Variants in ANO1 observed in about 807,000 individuals in gnomAD.
ANO1 encodes anoctamin 1.
A neutral mutation model predicts 124.0 loss-of-function variants in ANO1; 59 were observed. The observed-to-expected ratio is 0.48, with a 90% CI of 0.39 to 0.59. ANO1 has a LOEUF of 0.59. Ranked by LOEUF, ANO1 falls within the 20% of genes least tolerant of loss-of-function variation. The probability of loss-of-function intolerance (pLI) is 0.00; values close to 1 mark genes in which losing one functional copy is unlikely to be tolerated. For synonymous variants in ANO1, 529 were observed against 532.0 expected, an observed-to-expected ratio of 0.99 and a Z score of 0.08; for missense variants, 1,059 against 1,328.0, an observed-to-expected ratio of 0.80 and a Z score of 3.15.
intron 1 of ANO1, among the ~76,000 whole-genome samples, chr11:70,036,055 C>A (rs1476733094): frequency 6.6e-6 from 1 of 152,140 alleles, no homozygotes; most frequent in African/African-American, 2.4e-5. Flanking sequence ...TAGGAGTCTC[C>A]TGAGACTGTT....
chr11:70,077,368 C>T (rs973058427), upstream of ANO1, among the ~76,000 whole-genome samples: 42 of 152,180 alleles, frequency 2.8e-4, no homozygotes, highest in African/African-American at 1.0e-3. Flanking sequence ...CTATCTGATG[C>T]ACACCGTGAA....
the ANO1 span, among the ~76,000 whole-genome samples, chr11:69,978,263 G>C: frequency 6.6e-6 from 1 of 152,214 alleles, no homozygotes; most frequent in Non-Finnish European, 1.5e-5. Context: ...AAGTGTTTTT[G>C]TTGGCAGAGC....
At chr11:70,051,165 G>A (rs2135082169) in intron 1 of ANO1, among the ~76,000 whole-genome samples, 1 of 152,102 alleles carries the variant, frequency 6.6e-6, no homozygotes, top group East Asian at 1.9e-4. Flanking sequence ...CCTCCTTTAT[G>A]ATGCCCACCC....
chr11:70,007,412 G>T (rs1400845988), intron 1 of ANO1, among the ~76,000 whole-genome samples: 1 of 151,842 alleles, frequency 6.6e-6, no homozygotes, highest in Non-Finnish European at 1.5e-5. Context: ...GAGTAGCTGG[G>T]ACTACAAGTG....
chr11:70,013,353 T>C (rs1339535806), intron 1 of ANO1, among the ~76,000 whole-genome samples: 1 of 152,044 alleles, frequency 6.6e-6, no homozygotes, highest in Non-Finnish European at 1.5e-5. Context: ...TAGGGGAAGA[T>C]TGCAAACAGC....
At chr11:70,124,523 T>C in intron 9 of ANO1, 109 bp downstream of exon 9, 1 of 1,203,016 alleles carries the variant, frequency 8.3e-7, no homozygotes, top group African/African-American at 1.5e-5. Flanking sequence ...GGGAACGTGT[T>C]TGAACTCAAA....
At chr11:70,184,658 A>T (rs759692143) in intron 24 of ANO1, among the ~76,000 whole-genome samples, 7 of 152,236 alleles carry the variant, frequency 4.6e-5, no homozygotes, top group Non-Finnish European at 7.3e-5. Context: ...CGGAATGCTT[A>T]GCTTCGTTCT....
chr11:70,113,839 G>T (rs983308053), intron 7 of ANO1, among the ~76,000 whole-genome samples: 1 of 152,082 alleles, frequency 6.6e-6, no homozygotes. Context: ...ACTCAGAAAG[G>T]CTTAGTAATT....
intron 8 of ANO1, among the ~76,000 whole-genome samples, chr11:70,124,140 C>T (rs1462740027): frequency 6.6e-6 from 1 of 152,144 alleles, no homozygotes; most frequent in African/African-American, 2.4e-5. Context: ...TAGATCAATT[C>T]CAGGTCAAAT....
intron 5 of ANO1, among the ~76,000 whole-genome samples, chr11:70,106,685 G>C (rs2045562947): frequency 6.6e-6 from 1 of 152,218 alleles, no homozygotes; most frequent in South Asian, 2.1e-4. Context: ...ATAATTCATA[G>C]CTTTGGCCTT....
At chr11:70,130,786 C>G (rs779040603) in intron 10 of ANO1, among the ~76,000 whole-genome samples, 1 of 152,204 alleles carries the variant, frequency 6.6e-6, no homozygotes, top group Admixed American at 6.5e-5. Context: ...CCCGGCTTCC[C>G]GAGTGAGCCT....
At position 70,048,557 on chromosome 11, in the gene ANO1, T is replaced by G. The variant is rs959141425; in HGVS notation, c.59-29985T>G. On this transcript the variant is annotated intron_variant, in intron 1 of 27. Coordinates refer to the ANO1 transcript ENST00000531349. ...GAAATAAATTTTGTCCTGGGATGTC[T>G]CTGTCTCTCTCTCTTCCTCTCTCTC... is the stretch of plus-strand genomic sequence containing the variant. Among the ~76,000 whole-genome samples, 3 of 152,036 alleles carry G rather than the reference T, an allele frequency of 2.0e-5. No homozygotes were observed. In the East Asian group the frequency reaches 5.8e-4, roughly 29 times the overall value.
intron 1 of ANO1, among the ~76,000 whole-genome samples, chr11:70,053,033 G>A (rs1167128953): frequency 4.6e-5 from 7 of 152,094 alleles, no homozygotes; most frequent in Non-Finnish European, 7.4e-5. Flanking sequence ...TGTTTAAAAA[G>A]GCATGAGTTT....
intron 1 of ANO1, among the ~76,000 whole-genome samples, chr11:70,041,563 GA>G (rs1160697662): frequency 6.6e-6 from 1 of 152,208 alleles, no homozygotes; most frequent in East Asian, 1.9e-4. Context: ...TGACTTTCAT[GA>G]AAAGATGTGA....
In ANO1 at chr11:70,172,173, T is replaced by A. The variant is rs150301434; in HGVS notation, c.2350+1134T>A. 5.8e-3 allele frequency among the ~76,000 whole-genome samples: 861 copies of A among 147,278 alleles called. 8 individuals are homozygous for A. Among genetic ancestry groups the A allele is most frequent in the African/African-American group, 0.02 (799 of 40,132 alleles). The stretch of plus-strand genomic sequence containing the variant: ...AAAAGAAAAAGAGTAACTTTAATAG[T>A]CAGAGGTGTCAAAAACAGAGCAGAC... On this transcript the variant is annotated intron_variant, in intron 22 of 25. Transcript: ENST00000355303.
rs1565193363 is a variant in ANO1, at chr11:70,095,304, GAAAGAAA to G, written c.441+7221_441+7227del. 4.0e-4 allele frequency among the ~76,000 whole-genome samples: 27 copies of G among 68,350 alleles called. 1 individual carries two copies. The highest frequency in any genetic ancestry group is 2.3e-3 in the Admixed American group (16 of 7,042). 44.8% of individuals were successfully genotyped at this position (68,350 alleles called of 152,430 possible). A position where few individuals can be genotyped will look rare whatever the true frequency, so the allele number is the denominator to read the frequency against. On this transcript the variant is annotated intron_variant, in intron 2 of 25. Coordinates refer to ENST00000355303, the MANE Select transcript of ANO1 (RefSeq NM_018043.7). ...GGAAGGAAGGAAGGAAGGAAGGAAA[GAAAGAAA>G]GAAAGAAAGGAAAGAAAGAAAGGAA... is the stretch of plus-strand genomic sequence containing the variant.
intron 22 of ANO1, among the ~76,000 whole-genome samples, chr11:70,173,184 A>G (rs1332693617): frequency 2.0e-5 from 3 of 152,134 alleles, no homozygotes; most frequent in Admixed American, 1.3e-4. Context: ...CAGGTCAAAG[A>G]CCATCAGATA....
chr11:70,089,908 G>C (rs892787383), intron 2 of ANO1, among the ~76,000 whole-genome samples: 15 of 152,250 alleles, frequency 9.9e-5, no homozygotes, highest in African/African-American at 3.6e-4. Flanking sequence ...GAAGCTTGGC[G>C]GCCGAGGCCA....
At chr11:69,990,610 G>T (rs557605392) in intron 1 of ANO1, among the ~76,000 whole-genome samples, 1 of 152,302 alleles carries the variant, frequency 6.6e-6, no homozygotes, top group African/African-American at 2.4e-5. Flanking sequence ...CCCCCTACTA[G>T]TGTATGCGGG....
Sources: allele counts gnomAD v4.1 joint callset (sites outside exome capture counted in the v4.1 genomes callset), GRCh38; gene constraint gnomAD v4.1.1; transcripts MANE v1.5; gene names NCBI Gene and HGNC (gene_info 2026-07-23, HGNC 2026-07-21).